NAALADL2: variants seen among roughly 807,000 people sequenced by gnomAD.
The protein encoded by NAALADL2 is N-acetylated alpha-linked acidic dipeptidase like 2.
Under a neutral mutation model 87.2 loss-of-function variants are expected in NAALADL2, and 76 were observed. The observed-to-expected ratio is 0.87, with a 90% CI of 0.72 to 1.05. The LOEUF is 1.05. Ranked by LOEUF, NAALADL2 falls within the 50% of genes least tolerant of loss-of-function variation. The pLI, the probability that NAALADL2 is intolerant of heterozygous loss-of-function variation, is 0.00. For missense variants in NAALADL2, 1,089 were observed against 945.8 expected (o/e 1.15, Z -1.99); for synonymous variants, 354 against 331.0 (o/e 1.07, Z -0.75).
intron 10 of NAALADL2, among the ~76,000 whole-genome samples, chr3:175,612,900 T>C (rs1724833039): frequency 6.6e-6 from 1 of 152,204 alleles, no homozygotes; most frequent in Non-Finnish European, 1.5e-5. Context: ...ATTTTGTATG[T>C]TAATAATTTT....
chr3:174,666,068 G>T (rs1725927097), intron 2 of NAALADL2, among the ~76,000 whole-genome samples: 1 of 152,072 alleles, frequency 6.6e-6, no homozygotes, highest in African/African-American at 2.4e-5. Flanking sequence ...TAGGTACCTA[G>T]GGTTAGGATG....
chr3:175,187,935 G>A (rs572574704), intron 2 of NAALADL2, among the ~76,000 whole-genome samples: 18 of 152,156 alleles, frequency 1.2e-4, no homozygotes, highest in African/African-American at 2.4e-4. Context: ...ATGCCAGCTC[G>A]TTTCTTCTCC....
At chr3:174,475,969 T>C (rs1157106141) in intron 1 of NAALADL2, among the ~76,000 whole-genome samples, 2 of 152,014 alleles carry the variant, frequency 1.3e-5, no homozygotes, top group Non-Finnish European at 2.9e-5. Flanking sequence ...TATCTCTAGA[T>C]TTATGAGGGG....
chr3:175,083,944 C>A (rs1560003910), intron 1 of NAALADL2, among the ~76,000 whole-genome samples: 1 of 152,208 alleles, frequency 6.6e-6, no homozygotes, highest in East Asian at 1.9e-4. Flanking sequence ...AAGAACTGAA[C>A]CTGAGGGCAA....
At chr3:175,006,888 A>G (rs1045751196) in intron 1 of NAALADL2, among the ~76,000 whole-genome samples, 1 of 151,340 alleles carries the variant, frequency 6.6e-6, no homozygotes, top group African/African-American at 2.4e-5. Flanking sequence ...ATGCATTCTT[A>G]TACGTATATA....
chr3:175,391,992 T>A (rs1034860464), intron 5 of NAALADL2, among the ~76,000 whole-genome samples: 1 of 152,184 alleles, frequency 6.6e-6, no homozygotes, highest in Non-Finnish European at 1.5e-5. Flanking sequence ...ATGAGGTAGG[T>A]TCAGTCATTC....
intron 5 of NAALADL2, among the ~76,000 whole-genome samples, chr3:175,397,696 G>T (rs532238918): frequency 6.6e-6 from 1 of 152,132 alleles, no homozygotes; most frequent in Non-Finnish European, 1.5e-5. Flanking sequence ...TGGGTACACC[G>T]TGTTTTATTT....
intron 2 of NAALADL2, among the ~76,000 whole-genome samples, chr3:175,163,532 G>A (rs1261283405): frequency 6.6e-6 from 1 of 151,890 alleles, no homozygotes; most frequent in African/African-American, 2.4e-5. Flanking sequence ...CTAAGGATAA[G>A]CGTGAAAACC....
chr3:175,054,113 C>T (rs1711591253), intron 1 of NAALADL2, among the ~76,000 whole-genome samples: 1 of 152,210 alleles, frequency 6.6e-6, no homozygotes, highest in Middle Eastern at 3.2e-3. Flanking sequence ...TCAGAACTCA[C>T]ATTCATAGGC....
intron 11 of NAALADL2, among the ~76,000 whole-genome samples, chr3:175,701,089 C>G (rs1421561252): frequency 6.6e-6 from 1 of 152,128 alleles, no homozygotes; most frequent in African/African-American, 2.4e-5. Flanking sequence ...CCATCACTTG[C>G]ATTTGGCAGA....
chr3:175,710,514 A>G (rs939688315), intron 11 of NAALADL2, among the ~76,000 whole-genome samples: 1 of 151,680 alleles, frequency 6.6e-6, no homozygotes, highest in Admixed American at 6.6e-5. Context: ...CTTCTCTGTA[A>G]CTATTTCTAC....
At chr3:174,983,185 A>T (rs1358330803) in intron 1 of NAALADL2, among the ~76,000 whole-genome samples, 1 of 152,206 alleles carries the variant, frequency 6.6e-6, no homozygotes, top group South Asian at 2.1e-4. Context: ...TTGGTCAGGA[A>T]GTAAAAGGAA....
At chr3:175,603,537 C>T (rs1316233991) in intron 10 of NAALADL2, among the ~76,000 whole-genome samples, 2 of 152,122 alleles carry the variant, frequency 1.3e-5, no homozygotes, top group Non-Finnish European at 2.9e-5. Flanking sequence ...TTGGACTATT[C>T]CAGGTACCTC....
intron 11 of NAALADL2, among the ~76,000 whole-genome samples, chr3:175,634,056 C>T (rs1391674053): frequency 6.6e-6 from 1 of 151,728 alleles, no homozygotes; most frequent in Non-Finnish European, 1.5e-5. Flanking sequence ...AGTTTAAATT[C>T]TAGCAATAGA....
At chr3:174,772,002 A>G (rs1339415317) in intron 3 of NAALADL2, among the ~76,000 whole-genome samples, 1 of 106,720 alleles carries the variant, frequency 9.4e-6, no homozygotes, top group African/African-American at 3.2e-5. Flanking sequence ...CAAATCAGAC[A>G]CATTTTTTTT....
chr3:175,688,357 A>G (rs1736594844), intron 11 of NAALADL2, among the ~76,000 whole-genome samples: 1 of 152,184 alleles, frequency 6.6e-6, no homozygotes, highest in South Asian at 2.1e-4. Flanking sequence ...AAGATTATTG[A>G]ATAATATTGT....
At chr3:174,846,812 T>A (rs3914502) in intron 3 of NAALADL2, among the ~76,000 whole-genome samples, 107,437 of 151,958 alleles carry the variant, frequency 0.71, 38,822 homozygotes, top group African/African-American at 0.86. Context: ...TGTGGGGCCA[T>A]TGAACGTATG....
chr3:174,689,887 C>T (rs951278321), intron 2 of NAALADL2, among the ~76,000 whole-genome samples: 2 of 152,036 alleles, frequency 1.3e-5, no homozygotes, highest in African/African-American at 2.4e-5. Flanking sequence ...ATGCTACTCA[C>T]ATCAACTAAT....
At chr3:174,471,268 A>T (rs78005240) in intron 1 of NAALADL2, among the ~76,000 whole-genome samples, 2,214 of 152,070 alleles carry the variant, frequency 0.015, 48 homozygotes, top group African/African-American at 0.051. Context: ...TGGGTCCTTT[A>T]AAATTACTCT....
Sources: allele counts gnomAD v4.1 joint callset (sites outside exome capture counted in the v4.1 genomes callset), GRCh38; gene constraint gnomAD v4.1.1; transcripts MANE v1.5; gene names NCBI Gene and HGNC (gene_info 2026-07-23, HGNC 2026-07-21).